Variants in TRIM9 observed in about 807,000 individuals in gnomAD.
TRIM9 encodes tripartite motif containing 9.
In TRIM9, 26 loss-of-function variants were observed where a neutral mutation model predicts 78.3. The observed-to-expected ratio is 0.33, with a 90% CI of 0.24 to 0.46. The LOEUF (loss-of-function observed/expected upper bound fraction) is 0.46, where lower values mean the gene tolerates loss of function less well. TRIM9 is among the 20% of genes least tolerant of loss of function. The probability of loss-of-function intolerance (pLI) is 1.00; values close to 1 mark genes in which losing one functional copy is unlikely to be tolerated. For synonymous variants in TRIM9, 398 were observed against 416.5 expected, an observed-to-expected ratio of 0.96 and a Z score of 0.54; for missense variants, 787 against 1,036.4, an observed-to-expected ratio of 0.76 and a Z score of 3.30.
rs1477277100 is a variant in TRIM9 at position 50,975,513 on chromosome 14, CA to C, written c.*1777del. The C allele has an allele frequency of 6.6e-6, 1 of 152,524 alleles. No individual in the cohort carries two copies. Among genetic ancestry groups the C allele is most frequent in the Non-Finnish European group, 1.5e-5 (1 of 68,020 alleles). 9.4% of individuals were successfully genotyped at this position (152,524 alleles called of 1,614,324 possible). ...TGCCCTGCAACAGTTTTTCTGTAGC[CA>C]AGAAAAACCAAGACACACATAAACA... On this transcript the variant is annotated 3_prime_UTR_variant, in exon 13 of 13. Coordinates refer to ENST00000684578, the MANE Select transcript of TRIM9 (RefSeq NM_001387360.1).
chr14:51,009,586 T>C (rs1415074850), intron 4 of TRIM9, among the ~76,000 whole-genome samples: 1 of 152,248 alleles, frequency 6.6e-6, no homozygotes, highest in Non-Finnish European at 1.5e-5. Context: ...TTAGAATCAA[T>C]AGCTCAACCC....
chr14:51,027,559 C>G (rs2058364206), intron 1 of TRIM9, among the ~76,000 whole-genome samples: 1 of 151,742 alleles, frequency 6.6e-6, no homozygotes, highest in Admixed American at 6.6e-5. Context: ...TTTCGATCAC[C>G]TGTACTTTGC....
intron 1 of TRIM9, among the ~76,000 whole-genome samples, chr14:51,086,474 A>AATT (rs1394047089): frequency 9.2e-5 from 14 of 152,252 alleles, no homozygotes; most frequent in Non-Finnish European, 1.9e-4. Context: ...AGAAATTTAA[A>AATT]ATACCGGGTT....
At chr14:51,027,440 A>G (rs1457251300) in intron 1 of TRIM9, among the ~76,000 whole-genome samples, 2 of 152,008 alleles carry the variant, frequency 1.3e-5, no homozygotes, top group African/African-American at 4.8e-5. Context: ...CACCGTGCCC[A>G]ACCAGCTGTT....
At chr14:50,995,601 CA>C (rs374638795) in intron 7 of TRIM9, among the ~76,000 whole-genome samples, 12 of 152,290 alleles carry the variant, frequency 7.9e-5, no homozygotes, top group African/African-American at 2.6e-4. Context: ...AGACTAAATG[CA>C]TGTGATTACA....
At chr14:50,987,213 G>A (rs528784851) in intron 7 of TRIM9, among the ~76,000 whole-genome samples, 7 of 152,306 alleles carry the variant, frequency 4.6e-5, no homozygotes, top group South Asian at 2.1e-4. Context: ...GGGTATTTCC[G>A]TGAATTTTTT....
chr14:51,004,155 G>C (rs960189615), intron 5 of TRIM9, among the ~76,000 whole-genome samples: 2 of 152,074 alleles, frequency 1.3e-5, no homozygotes, highest in African/African-American at 4.8e-5. Context: ...TGATCATTCT[G>C]GGGCAGCTTT....
intron 1 of TRIM9, among the ~76,000 whole-genome samples, chr14:51,032,273 G>A (rs577672761): frequency 1.3e-5 from 2 of 152,278 alleles, no homozygotes; most frequent in East Asian, 3.9e-4. Context: ...GAGTTTCAGT[G>A]GTGGCATTTC....
At chr14:51,053,580 C>CTTTTTTTTTTTTTTTTATTTTTTT (rs1348456935) in intron 1 of TRIM9, among the ~76,000 whole-genome samples, 1 of 74,808 alleles carries the variant, frequency 1.3e-5, no homozygotes, top group Non-Finnish European at 2.7e-5. Context: ...TTTTAATTTT[C>CTTTTTTTTTTTTTTTTATTTTTTT]TTTTTTTTTT....
intron 1 of TRIM9, among the ~76,000 whole-genome samples, chr14:51,086,585 A>G (rs993117491): frequency 6.6e-6 from 1 of 152,264 alleles, no homozygotes; most frequent in African/African-American, 2.4e-5. Context: ...AAGAAGATAG[A>G]TAAGAAACAG....
intron 8 of TRIM9, among the ~76,000 whole-genome samples, chr14:50,985,296 G>C (rs2052545993): frequency 6.6e-6 from 1 of 152,174 alleles, no homozygotes; most frequent in South Asian, 2.1e-4. Flanking sequence ...TTAGGCATTA[G>C]GAGTTAAGGG....
chr14:50,977,385 A>G (rs1243252931), intron 12 of TRIM9, 32 bp from the exon 13 acceptor site: 2 of 1,485,960 alleles, frequency 1.3e-6, no homozygotes, highest in East Asian at 5.2e-5. Flanking sequence ...CCTGAGAGGC[A>G]TCGTGCATCC....
At chr14:51,004,612 G>A (rs1278685399) in intron 5 of TRIM9, among the ~76,000 whole-genome samples, 1 of 152,158 alleles carries the variant, frequency 6.6e-6, no homozygotes, top group African/African-American at 2.4e-5. Context: ...ATGCCAGAGA[G>A]TGTTGTGAGA....
intron 10 of TRIM9, 150 bp from the exon 11 acceptor site, chr14:50,982,253 C>T (rs761573492): frequency 1.6e-5 from 13 of 823,444 alleles, no homozygotes; most frequent in Non-Finnish European, 2.1e-5. Context: ...GACAGGGGCA[C>T]GTCCTGGGAG....
chr14:51,063,314 G>C (rs1337744442), intron 1 of TRIM9, among the ~76,000 whole-genome samples: 2 of 152,082 alleles, frequency 1.3e-5, no homozygotes, highest in African/African-American at 4.8e-5. Context: ...GAGGAAAAAA[G>C]TTTAAAAATG....
chr14:51,043,388 G>C (rs576850304), intron 1 of TRIM9, among the ~76,000 whole-genome samples: 1 of 152,128 alleles, frequency 6.6e-6, no homozygotes, highest in Admixed American at 6.6e-5. Flanking sequence ...GAAGGGAAGA[G>C]AAAGGTCAAG....
intron 10 of TRIM9, 40 bp downstream of exon 10, chr14:50,982,902 G>GCAAA (rs2052158555): frequency 6.5e-7 from 1 of 1,530,316 alleles, no homozygotes; most frequent in Admixed American, 2.0e-5. Context: ...CATGCACTTT[G>GCAAA]GTCTTTGCTA....
intron 1 of TRIM9, among the ~76,000 whole-genome samples, chr14:51,083,182 T>G (rs1287042278): frequency 6.6e-6 from 1 of 152,238 alleles, no homozygotes; most frequent in Non-Finnish European, 1.5e-5. Flanking sequence ...AATCTTTGTC[T>G]AGTTTTCTAA....
chr14:50,982,432 T>G, intron 10 of TRIM9: 3 of 390,018 alleles, frequency 7.7e-6, no homozygotes, highest in Non-Finnish European at 9.6e-6. Context: ...ACCAGAGACA[T>G]AAAGGGAGAG....
Sources: allele counts gnomAD v4.1 joint callset (sites outside exome capture counted in the v4.1 genomes callset), GRCh38; gene constraint gnomAD v4.1.1; transcripts MANE v1.5; gene names NCBI Gene and HGNC (gene_info 2026-07-23, HGNC 2026-07-21).